The following TCF20 variants were observed in gnomAD, a reference collection of about 807,000 sequenced individuals.
TCF20 encodes the protein SPRE-binding protein.
Under a neutral mutation model 148.6 loss-of-function variants are expected in TCF20, and 3 were observed. That is an observed-to-expected ratio of 0.02 (90% CI 0.01 to 0.05). The LOEUF (loss-of-function observed/expected upper bound fraction) is 0.05. Ranked by LOEUF, TCF20 falls within the 10% of genes least tolerant of loss-of-function variation. The pLI, the probability that TCF20 is intolerant of heterozygous loss-of-function variation, is 1.00. For synonymous variants in TCF20, 1,049 were observed against 909.5 expected (o/e 1.15, Z -2.76); for missense variants, 2,350 against 2,429.3 (o/e 0.97, Z 0.69).
At chr22:42,314,509 C>A in intron 1 of TCF20, among the ~76,000 whole-genome samples, 1 of 152,364 alleles carries the variant, frequency 6.6e-6, no homozygotes, top group East Asian at 1.9e-4. Flanking sequence ...GGGCAGGCAG[C>A]CCACACCTGA....
intron 2 of TCF20, among the ~76,000 whole-genome samples, chr22:42,186,077 TAATC>T (rs983744777): frequency 6.6e-6 from 1 of 152,218 alleles, no homozygotes; most frequent in African/African-American, 2.4e-5. Flanking sequence ...AATACACACT[TAATC>T]AATTATGATG....
rs760202467 is a variant in TCF20 at position 42,210,026 on chromosome 22, G to A, written c.5280C>T (p.Ser1760=). ...CTTCCTCCTCCTCAGTGTCCGTCTT[G>A]GAGCCATTAGAAGCACTTTTGTGCC... ...KVRHKSASNG[S]KTDTEEEEEQ... The change falls in exon 2 of 6, where the codon TCC becomes TCT. Residue 1760 remains serine (S), a synonymous_variant. Transcript: ENST00000677622. This position sits in a 1 kb window ranked among gnomAD's most constrained non-coding sequence, Gnocchi z 4.7. 3 of 1,612,700 alleles carry A rather than the reference G, an allele frequency of 1.9e-6. No individual in the cohort carries two copies. The highest frequency in any genetic ancestry group is 2.2e-5 in the East Asian group (1 of 44,894).
In TCF20 at chr22:42,215,232, G is replaced by A. The variant is rs1921627692; in HGVS notation, c.74C>T (p.Ser25Phe). 2.5e-6 allele frequency: 4 copies of A among 1,614,190 alleles called. No individual in the cohort carries two copies. The highest frequency in any genetic ancestry group is 2.5e-6 in the Non-Finnish European group (3 of 1,180,030). ...ACGAGGGCTGAACTCTTCTAGCCGG[G>A]ATGAGCCGTGTACCTCCTGTGGGTA... is the stretch of plus-strand genomic sequence containing the variant. Reference protein sequence around the residue: ...QSYPQEVHGSSRLEEFSPRQA... With the variant: ...QSYPQEVHGSFRLEEFSPRQA... Residue 25 changes from serine (S) to phenylalanine (F), a missense_variant, in exon 2 of 6, where the codon TCC (serine) becomes TTC (phenylalanine). By Grantham distance (155) the Ser-to-Phe change is radical (BLOSUM62 -2). Around this residue, in one of 7 missense-constraint regions of TCF20, gnomAD observed 1,641 missense variants for 1,662.6 expected, o/e 0.99. Coordinates refer to ENST00000677622, the MANE Select transcript of TCF20 (RefSeq NM_001378418.1).
At chr22:42,166,192 A>C (rs1199096613) in intron 5 of TCF20, among the ~76,000 whole-genome samples, 2 of 152,210 alleles carry the variant, frequency 1.3e-5, no homozygotes, top group African/African-American at 2.4e-5. Flanking sequence ...CAGTGAGTCC[A>C]TCCTCTCCCT....
intron 2 of TCF20, among the ~76,000 whole-genome samples, chr22:42,205,609 T>C (rs760705404): frequency 2.0e-5 from 3 of 152,208 alleles, no homozygotes; most frequent in South Asian, 4.1e-4. Flanking sequence ...TCCTGGACAA[T>C]TGAAACATCA....
chr22:42,203,571 A>G (rs1938185926), intron 2 of TCF20, among the ~76,000 whole-genome samples: 1 of 152,230 alleles, frequency 6.6e-6, no homozygotes, highest in African/African-American at 2.4e-5. Context: ...ATTTAGTGTC[A>G]ATGTCATCAT....
chr22:42,163,065 C>T (rs1201359132), intron 5 of TCF20, among the ~76,000 whole-genome samples: 4 of 152,154 alleles, frequency 2.6e-5, no homozygotes, highest in East Asian at 1.9e-4. Context: ...AGGCCAATGC[C>T]CACACGTACC....
chr22:42,329,867 C>T (rs1297691884), intron 1 of TCF20, among the ~76,000 whole-genome samples: 3 of 152,146 alleles, frequency 2.0e-5, no homozygotes, highest in Non-Finnish European at 2.9e-5. Context: ...AAGTGTGGCC[C>T]CCGAAATGGC....
intron 2 of TCF20, among the ~76,000 whole-genome samples, chr22:42,189,504 A>G (rs1937218264): frequency 6.6e-6 from 1 of 152,238 alleles, no homozygotes; most frequent in South Asian, 2.1e-4. Flanking sequence ...TAACTACGAG[A>G]AACCTTTTAT....
At chr22:42,322,860 C>T (rs1369990570) in intron 1 of TCF20, among the ~76,000 whole-genome samples, 1 of 143,484 alleles carries the variant, frequency 7.0e-6, no homozygotes, top group Non-Finnish European at 1.5e-5. Context: ...AGGCTCAGAT[C>T]TGGATCACTC....
chr22:42,173,393 G>T (rs555121924), intron 3 of TCF20, among the ~76,000 whole-genome samples: 25 of 152,226 alleles, frequency 1.6e-4, no homozygotes, highest in African/African-American at 5.8e-4. Context: ...GGGGAAGGTG[G>T]CAGGAGTCAC....
At chr22:42,239,891 T>C (rs530493872) in intron 1 of TCF20, among the ~76,000 whole-genome samples, 101 of 152,234 alleles carry the variant, frequency 6.6e-4, no homozygotes, top group African/African-American at 2.3e-3. Context: ...TGTTGAAAAA[T>C]TGGCACCAAC....
At chr22:42,201,572 A>T (rs1469837014) in intron 2 of TCF20, among the ~76,000 whole-genome samples, 1 of 152,184 alleles carries the variant, frequency 6.6e-6, no homozygotes, top group Admixed American at 6.5e-5. Flanking sequence ...GTTCGAGATC[A>T]GCCTCGCCAA....
chr22:42,187,614 A>G (rs569860149), intron 2 of TCF20, among the ~76,000 whole-genome samples: 1 of 152,308 alleles, frequency 6.6e-6, no homozygotes, highest in East Asian at 1.9e-4. Flanking sequence ...TCCACAAAGA[A>G]AGCCCGTTCC....
At chr22:42,262,134 T>C (rs1926059897) in intron 1 of TCF20, among the ~76,000 whole-genome samples, 1 of 152,036 alleles carries the variant, frequency 6.6e-6, no homozygotes, top group African/African-American at 2.4e-5. Flanking sequence ...TTGTGAACCA[T>C]GTGGGGGAGT....
chr22:42,285,903 G>T (rs1353869979), upstream of TCF20, among the ~76,000 whole-genome samples: 1 of 152,116 alleles, frequency 6.6e-6, no homozygotes, highest in African/African-American at 2.4e-5. This position sits in a 1 kb window ranked among gnomAD's most constrained non-coding sequence, Gnocchi z 4.2. Context: ...TGAGAAGCCT[G>T]ACCCCCAAGT....
intron 2 of TCF20, among the ~76,000 whole-genome samples, chr22:42,197,678 G>T (rs1478411715): frequency 6.6e-6 from 1 of 152,180 alleles, no homozygotes; most frequent in Non-Finnish European, 1.5e-5. Context: ...CACCCCTGAA[G>T]AAAGGAGTTC....
chr22:42,267,096 C>T (rs1288230609), intron 1 of TCF20, among the ~76,000 whole-genome samples: 1 of 151,830 alleles, frequency 6.6e-6, no homozygotes, highest in African/African-American at 2.4e-5. Context: ...GGAGAAATCC[C>T]GTCTCTACTG....
rs1210910241 is a variant in TCF20 at position 42,292,806 on chromosome 22, A to C, written c.-37+50673T>G. Among the ~76,000 whole-genome samples the C allele has an allele frequency of 6.6e-6, 1 of 151,474 alleles. No homozygotes were observed. Among genetic ancestry groups the C allele is most frequent in the Non-Finnish European group, 1.5e-5 (1 of 67,890 alleles). On this transcript the variant is annotated intron_variant, in intron 1 of 1. Transcript: ENST00000515426. The surrounding 1 kb of genome is among the most constrained non-coding windows in gnomAD (Gnocchi z 4.9). Reference sequence around the variant, plus strand: ...TCCAGGGCCGGCCGAGCACTAGCCCAGGCCCAGGAGAATCTACTGAATGAC... The same window carrying C: ...TCCAGGGCCGGCCGAGCACTAGCCCCGGCCCAGGAGAATCTACTGAATGAC...
Sources: gnomAD v4.1 joint callset for allele counts (sites outside exome capture counted in the v4.1 genomes callset) on GRCh38, gnomAD v4.1.1 for gene constraint, gnomAD v4.1.1 regional missense constraint, Gnocchi (gnomAD v3.1) non-coding constraint, MANE v1.5 for transcripts, NCBI Gene and HGNC (gene_info 2026-07-23, HGNC 2026-07-21) for gene names.